The following MLLT10 variants were observed in gnomAD, a reference collection of about 807,000 sequenced individuals.
MLLT10 encodes protein AF-10.
In MLLT10, 30 loss-of-function variants were observed where a neutral mutation model predicts 129.1. The observed-to-expected ratio is 0.23, with a 90% CI of 0.17 to 0.32. The LOEUF (loss-of-function observed/expected upper bound fraction) is 0.32. Among genes scored for constraint, MLLT10 ranks in the 10% least tolerant of loss-of-function variants. The pLI is 1.00. For missense variants in MLLT10, 1,119 were observed against 1,268.3 expected, an observed-to-expected ratio of 0.88 and a Z score of 1.79; for synonymous variants, 490 against 446.4, an observed-to-expected ratio of 1.10 and a Z score of -1.23.
At chr10:21,741,439 T>G (rs970314927) in intron 22 of MLLT10, among the ~76,000 whole-genome samples, 2 of 152,238 alleles carry the variant, frequency 1.3e-5, no homozygotes, top group African/African-American at 4.8e-5. Flanking sequence ...AGGTGCTGTT[T>G]GCTTAGTACC....
intron 8 of MLLT10, among the ~76,000 whole-genome samples, chr10:21,628,083 A>G (rs116139685): frequency 0.012 from 1,836 of 152,154 alleles, 33 homozygotes; most frequent in African/African-American, 0.041. Context: ...TCTAGTGACA[A>G]TCTCTTCATT....
At chr10:21,729,844 T>C (rs535549368) in intron 16 of MLLT10, among the ~76,000 whole-genome samples, 41 of 152,212 alleles carry the variant, frequency 2.7e-4, no homozygotes, top group Non-Finnish European at 4.1e-4. Context: ...GCCACACTTA[T>C]TTAAACCAAA....
chr10:21,557,448 T>A (rs573405771), intron 3 of MLLT10, among the ~76,000 whole-genome samples: 30 of 152,326 alleles, frequency 2.0e-4, no homozygotes, highest in African/African-American at 7.0e-4. Context: ...ATTCTGTTTG[T>A]CTTTTTGTCC....
intron 9 of MLLT10, among the ~76,000 whole-genome samples, 179 bp downstream of exon 9, chr10:21,651,947 C>G (rs1026506241): frequency 8.5e-6 from 1 of 117,746 alleles, no homozygotes; most frequent in Admixed American, 1.2e-4. Context: ...GAGTCTCGCT[C>G]TGTCACCCAG....
intron 5 of MLLT10, among the ~76,000 whole-genome samples, chr10:21,604,762 C>T (rs1040076787): frequency 3.9e-5 from 6 of 151,950 alleles, no homozygotes; most frequent in Non-Finnish European, 7.4e-5. Context: ...AAATTCCATT[C>T]AGTTCTGAGA....
chr10:21,566,734 C>T (rs1000919594), intron 3 of MLLT10, among the ~76,000 whole-genome samples: 1 of 151,926 alleles, frequency 6.6e-6, no homozygotes, highest in African/African-American at 2.4e-5. Flanking sequence ...TTCACTGTGC[C>T]AAACCATTTT....
At chr10:21,727,483 G>T (rs1051249613) in intron 15 of MLLT10, among the ~76,000 whole-genome samples, 3 of 152,132 alleles carry the variant, frequency 2.0e-5, no homozygotes, top group African/African-American at 7.2e-5. Context: ...AAAGCATACG[G>T]ATTTGCTGTG....
chr10:21,578,019 C>G (rs1481793080), intron 3 of MLLT10, among the ~76,000 whole-genome samples: 1 of 152,100 alleles, frequency 6.6e-6, no homozygotes, highest in East Asian at 1.9e-4. Context: ...CCTCAGCCTC[C>G]TGAGTACCTG....
intron 21 of MLLT10, among the ~76,000 whole-genome samples, chr10:21,736,486 G>A (rs2058375102): frequency 6.6e-6 from 1 of 152,146 alleles, no homozygotes; most frequent in Admixed American, 6.5e-5. Context: ...GTTTCACCAT[G>A]TTGCCCAGGC....
chr10:21,695,785 T>C (rs989353438), intron 13 of MLLT10, among the ~76,000 whole-genome samples: 1 of 152,178 alleles, frequency 6.6e-6, no homozygotes, highest in Non-Finnish European at 1.5e-5. Context: ...CTTATGTTAA[T>C]TTAATGTTGG....
intron 9 of MLLT10, among the ~76,000 whole-genome samples, chr10:21,659,882 A>G (rs546058350): frequency 3.0e-4 from 45 of 152,038 alleles, no homozygotes; most frequent in Non-Finnish European, 5.6e-4. Flanking sequence ...CAAACCATCT[A>G]TTCGTTTCTT....
At position 21,648,243 on chromosome 10, in the gene MLLT10, T is replaced by C. The variant is rs539566375; in HGVS notation, c.700-3430T>C. Among the ~76,000 whole-genome samples, 4 of 152,350 alleles carry C rather than the reference T, an allele frequency of 2.6e-5. No individual in the cohort carries two copies. The South Asian group carries it at 6.2e-4, about 24-fold the overall frequency. On this transcript the variant is annotated intron_variant, in intron 8 of 22. Coordinates refer to ENST00000307729, the MANE Select transcript of MLLT10 (RefSeq NM_001195626.3). ...ATTCACATTTGATAGGCTGTTCATATGGATATAAGCCATGCACAGTGTGTT... is the reference window on the plus strand; with the variant it reads ...ATTCACATTTGATAGGCTGTTCATACGGATATAAGCCATGCACAGTGTGTT...
At chr10:21,732,121 G>C (rs893456350) in intron 17 of MLLT10, among the ~76,000 whole-genome samples, 1 of 152,190 alleles carries the variant, frequency 6.6e-6, no homozygotes, top group African/African-American at 2.4e-5. Context: ...AGATGTGTCT[G>C]TACCAGAGGA....
intron 3 of MLLT10, among the ~76,000 whole-genome samples, chr10:21,539,502 A>G (rs951281423): frequency 2.7e-5 from 4 of 150,552 alleles, no homozygotes; most frequent in Non-Finnish European, 5.9e-5. Flanking sequence ...TGCCGGGTGC[A>G]GTGGTTCACA....
chr10:21,609,387 T>C (rs1249642588), intron 5 of MLLT10, among the ~76,000 whole-genome samples: 1 of 152,222 alleles, frequency 6.6e-6, no homozygotes, highest in East Asian at 1.9e-4. Context: ...GTTTGACTTT[T>C]GAGGAATTGC....
intron 14 of MLLT10, among the ~76,000 whole-genome samples, chr10:21,717,722 C>CTCCTCCTCCTCCTCCTCCTCCTCT (rs2056790137): frequency 8.1e-5 from 5 of 61,868 alleles, no homozygotes; most frequent in African/African-American, 3.0e-4. Context: ...CCTCTTCCTC[C>CTCCTCCTCCTCCTCCTCCTCCTCT]TCCTCCTCCT....
chr10:21,732,210 A>G (rs2058027045), intron 17 of MLLT10, among the ~76,000 whole-genome samples: 1 of 152,210 alleles, frequency 6.6e-6, no homozygotes, highest in Admixed American at 6.5e-5. Flanking sequence ...CAAAAATCTT[A>G]ACGGCAACAC....
chr10:21,680,143 C>T (rs2052587815), intron 11 of MLLT10, among the ~76,000 whole-genome samples: 2 of 151,926 alleles, frequency 1.3e-5, no homozygotes, highest in Admixed American at 1.3e-4. Context: ...TTGTTCTTCT[C>T]GTTTGGGTGG....
intron 13 of MLLT10, among the ~76,000 whole-genome samples, chr10:21,700,085 T>G (rs2054759384): frequency 6.6e-6 from 1 of 152,040 alleles, no homozygotes; most frequent in Admixed American, 6.5e-5. Context: ...TAGAGATCTT[T>G]CACCTACTCG....
Sources: allele counts gnomAD v4.1 joint callset (sites outside exome capture counted in the v4.1 genomes callset), GRCh38; gene constraint gnomAD v4.1.1; transcripts MANE v1.5; gene names NCBI Gene and HGNC (gene_info 2026-07-23, HGNC 2026-07-21).